CNTN3: variants seen among roughly 807,000 people sequenced by gnomAD.
CNTN3 encodes the protein contactin-3.
A neutral mutation model predicts 119.1 loss-of-function variants in CNTN3; 60 were observed. The ratio of observed to expected loss-of-function variants is 0.50; its 90% CI spans 0.41 to 0.62. CNTN3 has a LOEUF of 0.62. Ranked by LOEUF, CNTN3 falls within the 20% of genes least tolerant of loss-of-function variation. The pLI is 0.00. For synonymous variants in CNTN3, 450 were observed against 438.7 expected (o/e 1.03, Z -0.32); for missense variants, 1,101 against 1,242.4 (o/e 0.89, Z 1.71).
intron 4 of CNTN3, among the ~76,000 whole-genome samples, chr3:74,446,713 A>G (rs1316591341): frequency 1.4e-5 from 2 of 139,714 alleles, no homozygotes; most frequent in Non-Finnish European, 3.0e-5. Context: ...TTTGAATGTG[A>G]CTACTGGAAA....
intron 12 of CNTN3, among the ~76,000 whole-genome samples, chr3:74,336,301 T>A (rs1203678849): frequency 6.6e-6 from 1 of 152,152 alleles, no homozygotes; most frequent in Non-Finnish European, 1.5e-5. Context: ...TTTGTAACTC[T>A]TATTGCCTAT....
rs181659406 is a variant in CNTN3 at position 74,354,873 on chromosome 3, C to G, written c.1364+7017G>C. Among the ~76,000 whole-genome samples, 601 of 152,226 alleles carry G rather than the reference C, an allele frequency of 3.9e-3. 3 individuals are homozygous for G. The highest frequency in any genetic ancestry group is 6.4e-3 in the Non-Finnish European group (433 of 68,028). Reference sequence around the variant, plus strand: ...AAATGAGGCTGTAACACAGTTCTCTCTACTGATAACTTGTATGTACGAGAG... The same window carrying G: ...AAATGAGGCTGTAACACAGTTCTCTGTACTGATAACTTGTATGTACGAGAG... On this transcript the variant is annotated intron_variant, in intron 11 of 22. Coordinates refer to ENST00000263665, the MANE Select transcript of CNTN3 (RefSeq NM_020872.3).
At position 74,499,649 on chromosome 3, in the gene CNTN3, T is replaced by A. The variant is rs1429811059; in HGVS notation, c.182+10A>T. The A allele has an allele frequency of 1.3e-6, 2 of 1,586,362 alleles. No individual in the cohort carries two copies. The highest frequency in any genetic ancestry group is 8.5e-7 in the Non-Finnish European group (1 of 1,171,022). On this transcript the variant is annotated intron_variant, in intron 3 of 22. Coordinates refer to ENST00000263665, the MANE Select transcript of CNTN3 (RefSeq NM_020872.3). ...TTTTTTTATTTGAATTTTCAAACTTTTCACTGTACCTGTAATGAGGTGATG... is the reference window on the plus strand; with the variant it reads ...TTTTTTTATTTGAATTTTCAAACTTATCACTGTACCTGTAATGAGGTGATG...
At chr3:74,466,588 T>C (rs1559617769) in intron 4 of CNTN3, among the ~76,000 whole-genome samples, 1 of 151,938 alleles carries the variant, frequency 6.6e-6, no homozygotes, top group African/African-American at 2.4e-5. Flanking sequence ...CCGAGATGAG[T>C]TGTCATGGAG....
At chr3:74,513,232 G>A (rs376397590) in intron 2 of CNTN3, among the ~76,000 whole-genome samples, 2 of 152,054 alleles carry the variant, frequency 1.3e-5, no homozygotes, top group East Asian at 1.9e-4. Flanking sequence ...CAGGATTCAC[G>A]TGCTTTTGGA....
intron 4 of CNTN3, among the ~76,000 whole-genome samples, chr3:74,468,772 C>T (rs555025056): frequency 6.7e-6 from 1 of 149,820 alleles, no homozygotes; most frequent in Non-Finnish European, 1.5e-5. Context: ...TTATAGCAAA[C>T]AAGTGCCACT....
chr3:74,551,919 A>T (rs1469124438), intron 1 of CNTN3, among the ~76,000 whole-genome samples: 2 of 150,832 alleles, frequency 1.3e-5, no homozygotes, highest in African/African-American at 4.9e-5. Context: ...ACATGTCACC[A>T]CACCCCGGTA....
At chr3:74,599,832 T>A (rs1245591897) in intron 1 of CNTN3, among the ~76,000 whole-genome samples, 8 of 152,044 alleles carry the variant, frequency 5.3e-5, no homozygotes, top group Non-Finnish European at 1.0e-4. Flanking sequence ...TCCCAATGAT[T>A]TCTCAATAGC....
intron 1 of CNTN3, among the ~76,000 whole-genome samples, chr3:74,560,497 C>T (rs765400752): frequency 1.3e-5 from 2 of 152,076 alleles, no homozygotes; most frequent in Non-Finnish European, 2.9e-5. Flanking sequence ...AATACATGCA[C>T]ATATTTATAG....
intron 1 of CNTN3, among the ~76,000 whole-genome samples, chr3:74,575,725 C>T (rs1704405079): frequency 6.6e-6 from 1 of 151,844 alleles, no homozygotes; most frequent in African/African-American, 2.4e-5. Flanking sequence ...CTCCTGCTCC[C>T]CTTTTCCCTC....
intron 11 of CNTN3, among the ~76,000 whole-genome samples, chr3:74,337,318 G>A (rs752172205): frequency 9.2e-5 from 14 of 151,990 alleles, no homozygotes; most frequent in Non-Finnish European, 1.9e-4. Flanking sequence ...CATACACTTA[G>A]CACTATAAGA....
intron 2 of CNTN3, among the ~76,000 whole-genome samples, chr3:74,518,395 C>G (rs1703487037): frequency 6.6e-6 from 1 of 151,862 alleles, no homozygotes; most frequent in South Asian, 2.1e-4. Flanking sequence ...TGGAGGATGT[C>G]AAGATTTATA....
intron 4 of CNTN3, among the ~76,000 whole-genome samples, chr3:74,445,048 T>C (rs567600376): frequency 7.2e-5 from 11 of 152,328 alleles, no homozygotes; most frequent in Non-Finnish European, 1.2e-4. Flanking sequence ...CAGTAAAGTA[T>C]GTAGTGTCTA....
In CNTN3 at chr3:74,266,464, G is replaced by A; in HGVS notation, c.2986+17C>T. 1 of 1,609,848 alleles carries A rather than the reference G, an allele frequency of 6.2e-7. No homozygotes were observed. Among genetic ancestry groups the A allele is most frequent in the East Asian group, 2.2e-5 (1 of 44,776 alleles). On this transcript the variant is annotated intron_variant, in intron 22 of 22. Coordinates refer to ENST00000263665, the MANE Select transcript of CNTN3 (RefSeq NM_020872.3). ...CACTGATGTCAATAAAGTAAATAAT[G>A]GCTTCAACCAACTTACTGGTTATTC...
chr3:74,470,588 T>C (rs1465497019), intron 4 of CNTN3, among the ~76,000 whole-genome samples: 4 of 152,096 alleles, frequency 2.6e-5, no homozygotes, highest in African/African-American at 7.2e-5. Context: ...CCAGGAGCAT[T>C]TGGGCAGAGT....
chr3:74,374,274 T>A, intron 5 of CNTN3, among the ~76,000 whole-genome samples: 1 of 149,324 alleles, frequency 6.7e-6, no homozygotes, highest in East Asian at 1.9e-4. Context: ...CTCCTTCACC[T>A]TTTTTCCAGT....
chr3:74,472,625 G>T (rs925516850), intron 4 of CNTN3, among the ~76,000 whole-genome samples: 3 of 152,166 alleles, frequency 2.0e-5, no homozygotes, highest in Non-Finnish European at 4.4e-5. Flanking sequence ...CGGAAACTTG[G>T]TTTTAAAAAG....
chr3:74,602,795 G>C (rs1230238092), intron 1 of CNTN3, among the ~76,000 whole-genome samples: 1 of 152,106 alleles, frequency 6.6e-6, no homozygotes, highest in Non-Finnish European at 1.5e-5. Flanking sequence ...CCAATAAAAT[G>C]TGAGAAAACT....
At chr3:74,383,771 C>G (rs1305835761) in intron 5 of CNTN3, among the ~76,000 whole-genome samples, 1 of 152,202 alleles carries the variant, frequency 6.6e-6, no homozygotes, top group Non-Finnish European at 1.5e-5. Flanking sequence ...AGGTATGAGC[C>G]ACCACACCTG....
Sources: gnomAD v4.1 joint callset for allele counts (sites outside exome capture counted in the v4.1 genomes callset) on GRCh38, gnomAD v4.1.1 for gene constraint, MANE v1.5 for transcripts, NCBI Gene and HGNC (gene_info 2026-07-23, HGNC 2026-07-21) for gene names.